CDKL5: variants seen among roughly 807,000 people sequenced by gnomAD.
CDKL5 encodes cyclin-dependent kinase-like 5.
In CDKL5, 8 loss-of-function variants were observed where a neutral mutation model predicts 61.7. The observed-to-expected ratio is 0.13, with a 90% CI of 0.08 to 0.23. The LOEUF is 0.23. Among genes scored for constraint, CDKL5 ranks in the 10% least tolerant of loss-of-function variants. CDKL5 has a pLI of 1.00. For synonymous variants in CDKL5, 275 were observed against 272.3 expected (o/e 1.01, Z -0.10); for missense variants, 440 against 734.5 (o/e 0.60, Z 4.63).
chrX:18,648,163 G>A (rs1927868322), intron 20 of CDKL5, among the ~76,000 whole-genome samples: 1 of 111,442 alleles, frequency 9.0e-6, no homozygotes, highest in South Asian at 3.8e-4. Context: ...GGTGGTGCCT[G>A]CAGTGGCAGG....
chrX:18,550,180 T>A (rs766718336), intron 3 of CDKL5, among the ~76,000 whole-genome samples: 57 of 111,736 alleles, frequency 5.1e-4, no homozygotes, highest in African/African-American at 1.7e-3. Flanking sequence ...CTGGGGTAGA[T>A]CCCTGGGCTC....
chrX:18,453,751 C>T (rs779247265), intron 1 of CDKL5, among the ~76,000 whole-genome samples: 1 of 111,462 alleles, frequency 9.0e-6, no homozygotes, highest in Admixed American at 9.6e-5. Flanking sequence ...CTACTTATTT[C>T]TCCTCCATTA....
At position 18,629,203 on chromosome X, in the gene CDKL5, G is replaced by C. The variant is rs1927166668; in HGVS notation, c.*446G>C. 1 of 756,266 alleles carries C rather than the reference G, an allele frequency of 1.3e-6. No individual in the cohort carries two copies. Among genetic ancestry groups the C allele is most frequent in the African/African-American group, 2.3e-5 (1 of 43,144 alleles). 62.3% of individuals were successfully genotyped at this position (756,266 alleles called of 1,213,427 possible). A position where few individuals can be genotyped will look rare whatever the true frequency, so the allele number is the denominator to read the frequency against. On this transcript the variant is annotated 3_prime_UTR_variant, in exon 18 of 18. Transcript: ENST00000623535. ...AAATGTGGGGTTTATTGTAATCCAA[G>C]AGTATCCCTTTGAAGGGTTAGCAGA...
chrX:18,482,595 CT>C (rs1289986384), intron 1 of CDKL5, among the ~76,000 whole-genome samples: 1 of 110,728 alleles, frequency 9.0e-6, no homozygotes, highest in African/African-American at 3.3e-5. Context: ...TTTGCTTTTC[CT>C]CCCACTCAAA....
chrX:18,646,130 G>A (rs373898453), intron 20 of CDKL5: 36 of 1,208,524 alleles, frequency 3.0e-5, no homozygotes, highest in Non-Finnish European at 3.9e-5. Flanking sequence ...CTGCCATAAC[G>A]ACCCTAGACT....
intron 3 of CDKL5, among the ~76,000 whole-genome samples, chrX:18,562,570 C>T (rs777487659): frequency 4.5e-5 from 5 of 110,963 alleles, no homozygotes; most frequent in East Asian, 5.6e-4. Context: ...CTTTTTGTAC[C>T]CTTTGTATTC....
At chrX:18,490,233 G>A (rs368022357) in intron 1 of CDKL5, among the ~76,000 whole-genome samples, 1 of 111,112 alleles carries the variant, frequency 9.0e-6, no homozygotes, top group Admixed American at 9.7e-5. Flanking sequence ...TGTGAGTCAC[G>A]CTAGCAAATT....
chrX:18,467,973 T>C (rs756987380), intron 1 of CDKL5, among the ~76,000 whole-genome samples: 3 of 112,074 alleles, frequency 2.7e-5, no homozygotes, highest in Non-Finnish European at 5.6e-5. Context: ...TAGAAACTAA[T>C]GTTAAGTGAT....
chrX:18,646,148 G>A, intron 20 of CDKL5: 5 of 1,206,356 alleles, frequency 4.1e-6, no homozygotes, highest in Non-Finnish European at 5.6e-6. Flanking sequence ...ACTACTGAAT[G>A]AAACTTTTTT....
rs1433459496 is a variant in CDKL5 at position 18,632,528 on chromosome X, C to T, written c.*3771C>T. On this transcript the variant is annotated 3_prime_UTR_variant, in exon 18 of 18. Transcript: ENST00000623535. ...TTTAATAGCTCTTTACAAATATTAG[C>T]ATATGGCAGACCAATTAGAAGCAAA... The T allele has an allele frequency of 1.9e-5, 14 of 752,429 alleles. No individual in the cohort carries two copies. Among genetic ancestry groups the T allele is most frequent in the Non-Finnish European group, 2.2e-5 (14 of 638,578 alleles). 62.0% of individuals were successfully genotyped at this position (752,429 alleles called of 1,213,427 possible).
chrX:18,449,740 T>C (rs369062408), intron 1 of CDKL5, among the ~76,000 whole-genome samples: 1 of 112,519 alleles, frequency 8.9e-6, no homozygotes, highest in East Asian at 2.8e-4. Context: ...TATTTTTTCC[T>C]GCATTTTCTT....
Position 18,588,059 on chromosome X carries a change from T to C in CDKL5, c.660T>C (p.Leu220=), listed in dbSNP as rs370073267. The C allele has an allele frequency of 2.0e-5, 24 of 1,210,179 alleles. No individual in the cohort carries two copies. Among genetic ancestry groups the C allele is most frequent in the Non-Finnish European group, 2.7e-5 (24 of 894,355 alleles). ...LFPGESEIDQ[L]FTIQKVLGPL... is the part of the protein sequence containing the mutation. ...CTGGAGAAAGTGAAATTGACCAACT[T>C]TTTACTATTCAGAAGGTGCTAGGAC... The change falls in exon 9 of 18, where the codon CTT becomes CTC. Residue 220 remains leucine (L), a synonymous_variant. Coordinates refer to ENST00000623535, the MANE Select transcript of CDKL5 (RefSeq NM_001323289.2).
intron 1 of CDKL5, among the ~76,000 whole-genome samples, chrX:18,456,946 C>T (rs1325018224): frequency 9.0e-6 from 1 of 111,316 alleles, no homozygotes; most frequent in Non-Finnish European, 1.9e-5. Flanking sequence ...ATAGCCACAA[C>T]ACTTCATCAG....
At chrX:18,608,619 T>C (rs1423178732) in intron 12 of CDKL5, among the ~76,000 whole-genome samples, 192 bp from the exon 13 acceptor site, 9 of 111,853 alleles carry the variant, frequency 8.0e-5, no homozygotes, top group Non-Finnish European at 1.9e-5. Context: ...AATTTTACTT[T>C]CCATCTGTGT....
At position 18,634,765 on chromosome X, in the gene CDKL5, C is replaced by A. The variant is rs902329811; in HGVS notation, c.*6008C>A. On this transcript the variant is annotated 3_prime_UTR_variant, in exon 18 of 18. Coordinates refer to ENST00000623535, the MANE Select transcript of CDKL5 (RefSeq NM_001323289.2). ...CAATTAAACCAAACAAAATCATTGC[C>A]CCAAATTTCTATCTCCAAGAATTGC... 4 of 750,634 alleles carry A rather than the reference C, an allele frequency of 5.3e-6. No homozygotes were observed. The African/African-American group carries it at 9.4e-5, about 18-fold the overall frequency. 61.9% of individuals were successfully genotyped at this position (750,634 alleles called of 1,213,427 possible).
chrX:18,510,883 T>G lies in CDKL5; in HGVS notation c.99+29T>G, dbSNP rs267608422. On this transcript the variant is annotated intron_variant, in intron 3 of 17. Transcript: ENST00000623535. ...AGTACATTATTTTTAAAAAGAAATA[T>G]CTGTATATGTTTAACTGTTTTGAAA... 4 of 1,050,006 alleles carry G rather than the reference T, an allele frequency of 3.8e-6. No individual in the cohort carries two copies. The highest frequency in any genetic ancestry group is 5.3e-6 in the Non-Finnish European group (4 of 752,479). The allele number at this position is 1,050,006 out of a possible 1,213,427, so 86.5% of individuals were successfully genotyped here.
chrX:18,441,473 G>A (rs751072987), intron 1 of CDKL5, among the ~76,000 whole-genome samples: 1 of 111,316 alleles, frequency 9.0e-6, no homozygotes, highest in East Asian at 2.8e-4. Context: ...TATCTCTTCA[G>A]GGGTTTTCAG....
intron 1 of CDKL5, among the ~76,000 whole-genome samples, chrX:18,476,746 G>A (rs968667986): frequency 8.9e-6 from 1 of 111,752 alleles, no homozygotes; most frequent in African/African-American, 3.3e-5. Flanking sequence ...TGTAAAATAC[G>A]CCTCGCATAG....
At position 18,653,582 on chromosome X, in the gene CDKL5, C is replaced by T; in HGVS notation, c.*38C>T. On this transcript the variant is annotated 3_prime_UTR_variant, in exon 22 of 22. Coordinates refer to the CDKL5 transcript ENST00000379989. ...TGCGGCTGGTCCCAATGCCCTGAAT[C>T]ACCTCTCTCATGGAAGAACCAATTA... The T allele has an allele frequency of 2.5e-6, 3 of 1,190,762 alleles. No homozygotes were observed. The East Asian group carries it at 9.0e-5, about 36-fold the overall frequency.
Sources: gnomAD v4.1 joint callset for allele counts (sites outside exome capture counted in the v4.1 genomes callset) on GRCh38, gnomAD v4.1.1 for gene constraint, MANE v1.5 for transcripts, NCBI Gene and HGNC (gene_info 2026-07-23, HGNC 2026-07-21) for gene names.